Variants in CLSTN2 observed in about 807,000 individuals in gnomAD.
CLSTN2 encodes calsyntenin-2.
CLSTN2 carries 48 observed loss-of-function variants against 101.2 expected under a neutral mutation model. That is an observed-to-expected ratio of 0.47 (90% confidence interval 0.38 to 0.60). The LOEUF (loss-of-function observed/expected upper bound fraction) is 0.60. Among genes scored for constraint, CLSTN2 ranks in the 20% least tolerant of loss-of-function variants. The pLI is 0.00. For synonymous variants in CLSTN2, 481 were observed against 463.6 expected, an observed-to-expected ratio of 1.04 and a Z score of -0.48; for missense variants, 1,160 against 1,238.2, an observed-to-expected ratio of 0.94 and a Z score of 0.95.
intron 1 of CLSTN2, among the ~76,000 whole-genome samples, chr3:140,077,489 C>T (rs564008441): frequency 3.9e-5 from 6 of 152,220 alleles, no homozygotes; most frequent in Admixed American, 6.5e-5. Context: ...ATTGGTGGTT[C>T]GGTTGCTCAG....
At chr3:140,421,521 A>C (rs545937202) in intron 5 of CLSTN2, among the ~76,000 whole-genome samples, 7 of 151,990 alleles carry the variant, frequency 4.6e-5, no homozygotes, top group Admixed American at 2.0e-4. Context: ...CCTTTCTCCA[A>C]TCTCATGACA....
intron 2 of CLSTN2, among the ~76,000 whole-genome samples, chr3:140,368,194 C>A (rs1172807583): frequency 6.6e-6 from 1 of 152,140 alleles, no homozygotes; most frequent in African/African-American, 2.4e-5. Flanking sequence ...GGTGGCCCGG[C>A]TGTATTTTAA....
chr3:140,441,230 C>G (rs780648297), intron 5 of CLSTN2, among the ~76,000 whole-genome samples: 13 of 152,186 alleles, frequency 8.5e-5, no homozygotes, highest in Non-Finnish European at 1.8e-4. Context: ...CAGTAAGTGA[C>G]CCACTCTCTC....
At chr3:140,437,554 C>A (rs146582384) in intron 5 of CLSTN2, among the ~76,000 whole-genome samples, 1 of 152,324 alleles carries the variant, frequency 6.6e-6, no homozygotes, top group East Asian at 1.9e-4. Flanking sequence ...CAAATGCCAA[C>A]AAAGCACTCC....
chr3:140,172,341 C>T (rs1576454809), intron 1 of CLSTN2, among the ~76,000 whole-genome samples: 1 of 152,022 alleles, frequency 6.6e-6, no homozygotes, highest in Admixed American at 6.6e-5. Flanking sequence ...TGGAGTAGGG[C>T]AAGATTTCCA....
At chr3:140,212,995 G>A (rs80036327) in intron 2 of CLSTN2, among the ~76,000 whole-genome samples, 2,787 of 152,262 alleles carry the variant, frequency 0.018, 101 homozygotes, top group African/African-American at 0.063. Context: ...TTCCCAGGAG[G>A]AGCCTGATGG....
At chr3:140,188,571 G>T (rs1007737626) in intron 2 of CLSTN2, among the ~76,000 whole-genome samples, 1 of 152,178 alleles carries the variant, frequency 6.6e-6, no homozygotes, top group African/African-American at 2.4e-5. Context: ...AGGTAGCCCA[G>T]TGAAGGAAGA....
intron 2 of CLSTN2, among the ~76,000 whole-genome samples, chr3:140,220,330 C>A (rs1231109233): frequency 6.6e-6 from 1 of 152,174 alleles, no homozygotes; most frequent in Non-Finnish European, 1.5e-5. Context: ...GGTCACTAGC[C>A]TGTAATGCTG....
At chr3:140,291,943 A>G (rs1180876238) in intron 2 of CLSTN2, among the ~76,000 whole-genome samples, 1 of 152,040 alleles carries the variant, frequency 6.6e-6, no homozygotes, top group East Asian at 1.9e-4. Flanking sequence ...GGAGGACCAC[A>G]TGAGCCTCCT....
In CLSTN2 at chr3:140,570,233, G is replaced by A. The variant is rs1007967904; in HGVS notation, c.*3980G>A. 6.6e-5 allele frequency: 10 copies of A among 152,090 alleles called. No homozygotes were observed. The highest frequency in any genetic ancestry group is 2.4e-4 in the African/African-American group (10 of 41,406). 9.4% of individuals were successfully genotyped at this position (152,090 alleles called of 1,614,324 possible). A position where few individuals can be genotyped will look rare whatever the true frequency, so the allele number is the denominator to read the frequency against. On this transcript the variant is annotated 3_prime_UTR_variant, in exon 17 of 17. Transcript: ENST00000458420. ...AGAATAGTCAGCCCTCCATATCTGA[G>A]GTTTCCAAATCCATGGATTCAACCA...
intron 2 of CLSTN2, among the ~76,000 whole-genome samples, chr3:140,343,839 G>T (rs952722008): frequency 1.3e-5 from 2 of 152,174 alleles, no homozygotes; most frequent in Non-Finnish European, 2.9e-5. Flanking sequence ...AGTAGTCTTT[G>T]TTGCTGATGT....
intron 1 of CLSTN2, among the ~76,000 whole-genome samples, chr3:140,093,273 T>C (rs1427369866): frequency 1.3e-5 from 2 of 152,066 alleles, no homozygotes; most frequent in African/African-American, 4.8e-5. Context: ...TAAAGTCCAG[T>C]AAATGACAAT....
rs78505926 is a variant in CLSTN2, at chr3:140,211,932, A to G, written c.232+35859A>G. 1.4e-4 allele frequency among the ~76,000 whole-genome samples: 22 copies of G among 152,302 alleles called. No homozygotes were observed. The East Asian group carries it at 4.1e-3, about 28-fold the overall frequency. ...TAAAGTGTAATTTTGACTGTGTTTA[A>G]TCTTCAATTCTCAGCATGCCTACTG... On this transcript the variant is annotated intron_variant, in intron 2 of 16. Coordinates refer to ENST00000458420, the MANE Select transcript of CLSTN2 (RefSeq NM_022131.3).
At chr3:140,511,740 G>C (rs1934819754) in intron 8 of CLSTN2, among the ~76,000 whole-genome samples, 1 of 145,142 alleles carries the variant, frequency 6.9e-6, no homozygotes, top group African/African-American at 2.5e-5. Context: ...TGTATTTTTA[G>C]TAGAGATGGG....
chr3:140,116,802 G>A (rs1455152583), intron 1 of CLSTN2, among the ~76,000 whole-genome samples: 2 of 152,150 alleles, frequency 1.3e-5, no homozygotes, highest in South Asian at 2.1e-4. Context: ...GTATGCTTGT[G>A]CTGAGACAGC....
chr3:140,246,346 G>A (rs2086517460), intron 2 of CLSTN2, among the ~76,000 whole-genome samples: 1 of 152,138 alleles, frequency 6.6e-6, no homozygotes, highest in Non-Finnish European at 1.5e-5. Context: ...GTGGTTCTTA[G>A]TGGCCAGTTG....
At chr3:140,025,253 G>A (rs942972775) in intron 1 of CLSTN2, among the ~76,000 whole-genome samples, 1 of 152,146 alleles carries the variant, frequency 6.6e-6, no homozygotes, top group Non-Finnish European at 1.5e-5. Context: ...TGGGTGTGCT[G>A]ACCCCAACTA....
At chr3:140,192,299 G>A (rs959416617) in intron 2 of CLSTN2, among the ~76,000 whole-genome samples, 2 of 151,652 alleles carry the variant, frequency 1.3e-5, no homozygotes, top group African/African-American at 2.4e-5. Flanking sequence ...GCTTTTGTTC[G>A]GGTCTATAAA....
intron 2 of CLSTN2, among the ~76,000 whole-genome samples, chr3:140,397,428 A>T (rs1253908522): frequency 2.6e-5 from 4 of 152,236 alleles, no homozygotes; most frequent in Non-Finnish European, 5.9e-5. Context: ...CGAATCTGAA[A>T]TTGCATTAAA....
Sources: allele counts gnomAD v4.1 joint callset (sites outside exome capture counted in the v4.1 genomes callset), GRCh38; gene constraint gnomAD v4.1.1; transcripts MANE v1.5; gene names NCBI Gene and HGNC (gene_info 2026-07-23, HGNC 2026-07-21).